The following SAMD4A variants were observed in gnomAD, a reference collection of about 807,000 sequenced individuals.
SAMD4A encodes the protein protein Smaug homolog 1.
In SAMD4A, 33 loss-of-function variants were observed where a neutral mutation model predicts 81.3. That is an observed-to-expected ratio of 0.41 (90% CI 0.31 to 0.54). The LOEUF is 0.54. SAMD4A is among the 20% of genes least tolerant of loss of function. SAMD4A has a pLI of 0.37. For missense variants in SAMD4A, 854 were observed against 951.1 expected (o/e 0.90, Z 1.34); for synonymous variants, 389 against 382.1 (o/e 1.02, Z -0.21).
chr14:54,695,726 A>T (rs2036558563), intron 2 of SAMD4A, among the ~76,000 whole-genome samples: 1 of 151,892 alleles, frequency 6.6e-6, no homozygotes, highest in Admixed American at 6.6e-5. Context: ...AGGCCAAGGC[A>T]GGTGGATCAT....
chr14:54,623,923 C>T (rs980977442), intron 2 of SAMD4A, among the ~76,000 whole-genome samples: 6 of 152,156 alleles, frequency 3.9e-5, no homozygotes, highest in Non-Finnish European at 8.8e-5. Context: ...AGGGGACAAT[C>T]TAACAGACAG....
At chr14:54,731,988 C>G (rs2037568585) in intron 3 of SAMD4A, among the ~76,000 whole-genome samples, 1 of 152,108 alleles carries the variant, frequency 6.6e-6, no homozygotes, top group Admixed American at 6.5e-5. Flanking sequence ...TAATGGTTGG[C>G]TTGAATTTGA....
chr14:54,736,433 G>A (rs2037693088), intron 3 of SAMD4A, among the ~76,000 whole-genome samples: 1 of 152,172 alleles, frequency 6.6e-6, no homozygotes, highest in South Asian at 2.1e-4. Flanking sequence ...CATACCCTGA[G>A]GTCATGTTAG....
chr14:54,655,816 C>G (rs2035507709), intron 2 of SAMD4A, among the ~76,000 whole-genome samples: 1 of 152,066 alleles, frequency 6.6e-6, no homozygotes, highest in South Asian at 2.1e-4. Context: ...TCAAGCCTTG[C>G]TTCTTACTAC....
intron 2 of SAMD4A, among the ~76,000 whole-genome samples, chr14:54,623,003 G>A (rs1481685153): frequency 1.3e-5 from 2 of 152,198 alleles, no homozygotes; most frequent in African/African-American, 4.8e-5. Flanking sequence ...GTTGTTTTCC[G>A]TCACCTCCAC....
chr14:54,751,353 G>A (rs2038097380), intron 5 of SAMD4A, 98 bp from the exon 6 acceptor site: 3 of 753,134 alleles, frequency 4.0e-6, no homozygotes, highest in Middle Eastern at 3.9e-4. Context: ...ACATATAGGA[G>A]CAAAGAAGAC....
chr14:54,784,893 C>T (rs2039095301), intron 12 of SAMD4A, among the ~76,000 whole-genome samples: 1 of 152,196 alleles, frequency 6.6e-6, no homozygotes, highest in African/African-American at 2.4e-5. Context: ...TCCCCAGAAG[C>T]TCCACCTCCC....
At chr14:54,783,902 G>A (rs942710058) in intron 11 of SAMD4A, among the ~76,000 whole-genome samples, 1 of 152,208 alleles carries the variant, frequency 6.6e-6, no homozygotes, top group Non-Finnish European at 1.5e-5. Context: ...GCTCCAATGA[G>A]GTGAGCACTC....
intron 2 of SAMD4A, among the ~76,000 whole-genome samples, chr14:54,580,221 G>A (rs376041074): frequency 3.9e-5 from 6 of 152,120 alleles, no homozygotes; most frequent in East Asian, 1.9e-4. Flanking sequence ...TCTCATGGCC[G>A]ACTTGGCTGC....
intron 2 of SAMD4A, chr14:54,694,738 T>G: frequency 1.0e-6 from 1 of 985,292 alleles, no homozygotes; most frequent in Non-Finnish European, 1.2e-6. Context: ...AGGTCAGAAA[T>G]CTGAAGGTGA....
intron 4 of SAMD4A, among the ~76,000 whole-genome samples, chr14:54,747,647 A>T (rs1303666711): frequency 2.0e-5 from 3 of 152,254 alleles, no homozygotes; most frequent in Non-Finnish European, 4.4e-5. Flanking sequence ...TTAGCATTTC[A>T]AAGTAGTTTA....
chr14:54,625,178 C>T (rs973278771), intron 2 of SAMD4A, among the ~76,000 whole-genome samples: 12 of 152,152 alleles, frequency 7.9e-5, no homozygotes, highest in African/African-American at 1.2e-4. Flanking sequence ...TAGGCAATCC[C>T]CAAAACTGCC....
At chr14:54,767,876 C>G (rs1283070585) in intron 8 of SAMD4A, among the ~76,000 whole-genome samples, 1 of 152,232 alleles carries the variant, frequency 6.6e-6, no homozygotes, top group East Asian at 1.9e-4. Context: ...GAACCGGCCC[C>G]CACTCTCACT....
chr14:54,614,966 T>G (rs1440426039), intron 2 of SAMD4A, among the ~76,000 whole-genome samples: 1 of 152,194 alleles, frequency 6.6e-6, no homozygotes, highest in Non-Finnish European at 1.5e-5. Flanking sequence ...ACCATCTTTC[T>G]TTGGTAGTAT....
At chr14:54,729,502 G>A (rs539886816) in intron 3 of SAMD4A, among the ~76,000 whole-genome samples, 6 of 152,104 alleles carry the variant, frequency 3.9e-5, no homozygotes, top group African/African-American at 1.4e-4. Context: ...CTGGCCACTT[G>A]CTTAACTCCA....
At chr14:54,775,703 C>T (rs2038825861) in intron 10 of SAMD4A, among the ~76,000 whole-genome samples, 1 of 152,042 alleles carries the variant, frequency 6.6e-6, no homozygotes, top group South Asian at 2.1e-4. Context: ...GCCTGTGTGC[C>T]CAGAGCTTCT....
intron 2 of SAMD4A, among the ~76,000 whole-genome samples, chr14:54,656,267 T>C (rs545069446): frequency 6.6e-6 from 1 of 152,334 alleles, no homozygotes; most frequent in South Asian, 2.1e-4. Context: ...GTCTAGATTG[T>C]TCTTTAATGA....
intron 3 of SAMD4A, among the ~76,000 whole-genome samples, chr14:54,725,344 C>T (rs960622670): frequency 6.6e-6 from 1 of 152,122 alleles, no homozygotes; most frequent in African/African-American, 2.4e-5. Context: ...GAAATGTGGA[C>T]ACTTAAAATG....
At chr14:54,705,368 C>A (rs2036826394) in intron 3 of SAMD4A, among the ~76,000 whole-genome samples, 1 of 152,168 alleles carries the variant, frequency 6.6e-6, no homozygotes, top group African/African-American at 2.4e-5. Flanking sequence ...GGCCATTCCA[C>A]TGCAATAGAA....
Sources: gnomAD v4.1 joint callset for allele counts (sites outside exome capture counted in the v4.1 genomes callset) on GRCh38, gnomAD v4.1.1 for gene constraint, MANE v1.5 for transcripts, NCBI Gene and HGNC (gene_info 2026-07-23, HGNC 2026-07-21) for gene names.